The following SLURP2 variants were observed in gnomAD, a reference collection of about 807,000 sequenced individuals.
SLURP2 encodes secreted Ly-6/uPAR domain-containing protein 2.
In SLURP2, 4 loss-of-function variants were observed where a neutral mutation model predicts 9.8. The ratio of observed to expected loss-of-function variants is 0.41; its 90% CI spans 0.20 to 0.94. The LOEUF (loss-of-function observed/expected upper bound fraction) is 0.94, where lower values mean the gene tolerates loss of function less well. SLURP2 is among the 40% of genes least tolerant of loss of function. SLURP2 has a pLI of 0.32. For missense variants in SLURP2, 118 were observed against 126.4 expected, an observed-to-expected ratio of 0.93 and a Z score of 0.32; for synonymous variants, 58 against 56.2, an observed-to-expected ratio of 1.03 and a Z score of -0.15.
At chr8:142,766,258 AT>A (rs1815002425) in intron 1 of SLURP2, 1 of 152,234 alleles carries the variant, frequency 6.6e-6, no homozygotes, top group Admixed American at 6.5e-5. Context: ...GTCTCAATTC[AT>A]TGAATCACTG....
intron 2 of SLURP2, 55 bp from the exon 3 acceptor site, chr8:142,764,796 C>T: frequency 6.3e-7 from 1 of 1,593,870 alleles, no homozygotes; most frequent in African/African-American, 1.4e-5. Context: ...TTTGCCCAGA[C>T]CCTGCTGCCC....
At chr8:142,765,007 G>T in intron 2 of SLURP2, 29 bp downstream of exon 2, 2 of 1,565,356 alleles carry the variant, frequency 1.3e-6, no homozygotes, top group Non-Finnish European at 1.7e-6. Flanking sequence ...CAAGAAGGAC[G>T]TGGCCAGCCC....
rs1418304815 is a variant in SLURP2, at chr8:142,768,128, AGGGGAGATCAG to A, written c.52+1616_52+1626del. Among the ~76,000 whole-genome samples, 1 of 141,342 alleles carries A rather than the reference AGGGGAGATCAG, an allele frequency of 7.1e-6. No individual in the cohort carries two copies. The highest frequency in any genetic ancestry group is 1.5e-5 in the Non-Finnish European group (1 of 65,102). The allele number at this position is 141,342 out of a possible 152,430, so 92.7% of individuals were successfully genotyped here. A position where few individuals can be genotyped will look rare whatever the true frequency, so the allele number is the denominator to read the frequency against. ...GACTGGCGCCTGACACACGGGAGGG[AGGGGAGATCAG>A]GGGGAGAAGAGGAGAGAGGAAGGGA... On this transcript the variant is annotated intron_variant, in intron 1 of 2. Transcript: ENST00000317543. This position sits in a 1 kb window ranked among gnomAD's most constrained non-coding sequence, Gnocchi z 4.8.
At position 142,769,795 on chromosome 8, in the gene SLURP2, G is replaced by T; in HGVS notation, c.12C>A (p.Gly4=). The part of the protein sequence containing the change: MQL[G]TGLLLAAVLS... ...GGACGGCGGCCAGCAGGAGCCCAGT[G>T]CCGAGCTGCATGTTCTCCTGGTGAG... is the stretch of plus-strand genomic sequence containing the variant. Residue 4 remains glycine, a synonymous_variant, in exon 1 of 3, where the codon GGC becomes GGA. Transcript: ENST00000317543. 1 of 1,597,890 alleles carries T rather than the reference G, an allele frequency of 6.3e-7. No homozygotes were observed.
At chr8:142,764,885 G>A (rs1814950369) in intron 2 of SLURP2, 144 bp from the exon 3 acceptor site, 2 of 1,181,376 alleles carry the variant, frequency 1.7e-6, no homozygotes, top group Admixed American at 4.1e-5. Context: ...GTGGCCCTTT[G>A]CTCATACCCT....
At chr8:142,765,254 G>T in intron 1 of SLURP2, 114 bp from the exon 2 acceptor site, 2 of 801,730 alleles carry the variant, frequency 2.5e-6, no homozygotes, top group Non-Finnish European at 4.0e-6. Flanking sequence ...CTTCTCAGCG[G>T]CCAGTGTCCC....
In SLURP2 at chr8:142,764,452, G is replaced by A. The variant is rs776393576; in HGVS notation, c.*153C>T. 1.2e-6 allele frequency: 1 copy of A among 843,328 alleles called. No individual in the cohort carries two copies. The highest frequency in any genetic ancestry group is 1.9e-6 in the Non-Finnish European group (1 of 515,098). The allele number at this position is 843,328 out of a possible 1,614,324, so 52.2% of individuals were successfully genotyped here. A position where few individuals can be genotyped will look rare whatever the true frequency, so the allele number is the denominator to read the frequency against. On this transcript the variant is annotated 3_prime_UTR_variant, in exon 3 of 3. Transcript: ENST00000317543. ...GCAGATTGAGGCAAGACTCCACGCA[G>A]GACTTCCCTAGGACAAGCGGTGCTG...
At position 142,768,335 on chromosome 8, in the gene SLURP2, G is replaced by A. The variant is rs1385000794; in HGVS notation, c.52+1420C>T. On this transcript the variant is annotated intron_variant, in intron 1 of 2. Coordinates refer to ENST00000317543, the MANE Select transcript of SLURP2 (RefSeq NM_177458.3). The surrounding 1 kb of genome is among the most constrained non-coding windows in gnomAD (Gnocchi z 4.8). ...CAGGTCTCTCCCACTGGGGACCCCC[G>A]TGCTGGCTCTGAAGCAGGCTGGCCC... 2.0e-5 allele frequency among the ~76,000 whole-genome samples: 3 copies of A among 152,062 alleles called. No homozygotes were observed. The highest frequency in any genetic ancestry group is 6.5e-5 in the Admixed American group (1 of 15,276).
Position 142,764,445 on chromosome 8 carries a change from C to T in SLURP2, c.*160G>A, listed in dbSNP as rs1371141262. Reference sequence around the variant, plus strand: ...GACGGCAGCAGATTGAGGCAAGACTCCACGCAGGACTTCCCTAGGACAAGC... The same window carrying T: ...GACGGCAGCAGATTGAGGCAAGACTTCACGCAGGACTTCCCTAGGACAAGC... On this transcript the variant is annotated 3_prime_UTR_variant, in exon 3 of 3. Transcript: ENST00000317543. 1.2e-6 allele frequency: 1 copy of T among 803,638 alleles called. No homozygotes were observed. Among genetic ancestry groups the T allele is most frequent in the African/African-American group, 1.7e-5 (1 of 58,640 alleles). 49.8% of individuals were successfully genotyped at this position (803,638 alleles called of 1,614,324 possible). A position where few individuals can be genotyped will look rare whatever the true frequency, so the allele number is the denominator to read the frequency against.
rs1488290290 is a variant in SLURP2, at chr8:142,765,101, A to C, written c.92T>G (p.Phe31Cys). The change falls in exon 2 of 3, where the codon TTC becomes TGC. Residue 31 changes from phenylalanine to cysteine, a missense_variant. Coordinates refer to ENST00000317543, the MANE Select transcript of SLURP2 (RefSeq NM_177458.3). ...TCTGGATCCATGGGAGCACCCTCCGAAGCCCGTGCACTGGTGACACCATAT... is the reference window on the plus strand; with the variant it reads ...TCTGGATCCATGGGAGCACCCTCCGCAGCCCGTGCACTGGTGACACCATAT... ...EAIWCHQCTG[F>C]GGCSHGSRCL... 3 of 1,612,466 alleles carry C rather than the reference A, an allele frequency of 1.9e-6. No individual in the cohort carries two copies. The highest frequency in any genetic ancestry group is 2.7e-5 in the African/African-American group (2 of 74,892).
chr8:142,765,320 C>T (rs1814967387), intron 1 of SLURP2, among the ~76,000 whole-genome samples, 180 bp from the exon 2 acceptor site: 2 of 152,234 alleles, frequency 1.3e-5, no homozygotes, highest in Admixed American at 1.3e-4. Context: ...CCTTGGGGTG[C>T]CTGGCAGCCC....
chr8:142,764,812 G>T, intron 2 of SLURP2, 71 bp from the exon 3 acceptor site: 1 of 1,568,652 alleles, frequency 6.4e-7, no homozygotes, highest in Non-Finnish European at 8.7e-7. Flanking sequence ...TGCCCCATCT[G>T]CCACTGAGCT....
intron 1 of SLURP2, among the ~76,000 whole-genome samples, chr8:142,765,463 C>A (rs1191735972): frequency 6.7e-6 from 1 of 149,264 alleles, no homozygotes; most frequent in Non-Finnish European, 1.5e-5. Flanking sequence ...TTTGGGGTCC[C>A]AGGGTGGGGG....
chr8:142,766,030 T>A (rs368644497), intron 1 of SLURP2: 2 of 151,154 alleles, frequency 1.3e-5, no homozygotes, highest in African/African-American at 4.9e-5. Flanking sequence ...CTCAGTTGTA[T>A]GTAAGAAAAC....
chr8:142,765,175 T>C (rs12541206), intron 1 of SLURP2, 35 bp from the exon 2 acceptor site: 586,959 of 1,555,678 alleles, frequency 0.38, 111,763 homozygotes, highest in Admixed American at 0.43. Context: ...CACAAACGGA[T>C]GGGAGGCAGG....
chr8:142,764,884 T>G, intron 2 of SLURP2, 143 bp from the exon 3 acceptor site: 1 of 1,180,502 alleles, frequency 8.5e-7, no homozygotes, highest in East Asian at 2.5e-5. Context: ...CGTGGCCCTT[T>G]GCTCATACCC....
At chr8:142,765,597 G>A (rs192195342) in intron 1 of SLURP2, among the ~76,000 whole-genome samples, 221 of 152,286 alleles carry the variant, frequency 1.5e-3, no homozygotes, top group African/African-American at 5.0e-3. Context: ...TGATGGGGCC[G>A]TTCCTGCCTC....
At chr8:142,766,580 C>T (rs587648522) in intron 1 of SLURP2, among the ~76,000 whole-genome samples, 101 of 152,320 alleles carry the variant, frequency 6.6e-4, no homozygotes, top group African/African-American at 2.3e-3. Context: ...TGGGTCTGCC[C>T]CACTCCCGAG....
At chr8:142,767,413 C>G (rs1815039010) in intron 1 of SLURP2, among the ~76,000 whole-genome samples, 1 of 152,236 alleles carries the variant, frequency 6.6e-6, no homozygotes. Flanking sequence ...CGCCTCTACT[C>G]AACACTGGCA....
Sources: gnomAD v4.1 joint callset for allele counts (sites outside exome capture counted in the v4.1 genomes callset) on GRCh38, gnomAD v4.1.1 for gene constraint, Gnocchi (gnomAD v3.1) non-coding constraint, MANE v1.5 for transcripts, NCBI Gene and HGNC (gene_info 2026-07-23, HGNC 2026-07-21) for gene names.